The following BOLL variants were observed in gnomAD, a reference collection of about 807,000 sequenced individuals.
The protein encoded by BOLL is protein boule-like.
In BOLL, 23 loss-of-function variants were observed where a neutral mutation model predicts 44.4. That is an observed-to-expected ratio of 0.52 (90% CI 0.37 to 0.73). The LOEUF is 0.73. BOLL is among the 30% of genes least tolerant of loss of function. BOLL has a pLI of 0.00. For missense variants in BOLL, 287 were observed against 338.3 expected, an observed-to-expected ratio of 0.85 and a Z score of 1.19; for synonymous variants, 97 against 110.8, an observed-to-expected ratio of 0.88 and a Z score of 0.78.
chr2:197,778,413 T>C (rs562321356), intron 3 of BOLL, among the ~76,000 whole-genome samples: 1 of 152,056 alleles, frequency 6.6e-6, no homozygotes, highest in African/African-American at 2.4e-5. Context: ...GAAATTTGGC[T>C]TTGTACACAT....
intron 1 of BOLL, among the ~76,000 whole-genome samples, chr2:197,784,411 T>C (rs1206448776): frequency 1.9e-4 from 11 of 57,546 alleles, no homozygotes; most frequent in African/African-American, 3.6e-4. Flanking sequence ...TATATATATA[T>C]ATATATATAT....
chr2:197,769,833 G>A (rs1024099332), intron 6 of BOLL, among the ~76,000 whole-genome samples: 14 of 152,190 alleles, frequency 9.2e-5, no homozygotes, highest in Admixed American at 4.6e-4. Flanking sequence ...ACAAACCACT[G>A]CTCAACGAAA....
chr2:197,776,853 G>A (rs1169514076), intron 4 of BOLL, among the ~76,000 whole-genome samples: 1 of 151,880 alleles, frequency 6.6e-6, no homozygotes, highest in South Asian at 2.1e-4. Context: ...TAAATAAAGC[G>A]AAACATTATA....
chr2:197,740,876 T>A (rs2106323611), intron 10 of BOLL, among the ~76,000 whole-genome samples: 1 of 152,224 alleles, frequency 6.6e-6, no homozygotes, highest in South Asian at 2.1e-4. Context: ...TTAACAATGG[T>A]TGAAACAGAA....
chr2:197,779,986 G>A lies in BOLL; in HGVS notation c.130-920C>T, dbSNP rs992603024. ...TACATACACTATTGGTTTTTAGTTG[G>A]TAACATAAAGCCTGCTAAGCTGCAT... On this transcript the variant is annotated intron_variant, in intron 2 of 10. Coordinates refer to ENST00000392296, the MANE Select transcript of BOLL (RefSeq NM_033030.6). Among the ~76,000 whole-genome samples the A allele has an allele frequency of 5.3e-5, 8 of 151,994 alleles. No individual in the cohort carries two copies. In the East Asian group the frequency reaches 1.2e-3, roughly 22 times the overall value.
intron 10 of BOLL, among the ~76,000 whole-genome samples, chr2:197,732,057 C>T (rs895155071): frequency 1.7e-4 from 25 of 148,964 alleles, no homozygotes; most frequent in Non-Finnish European, 2.4e-4. Flanking sequence ...ATTGATAGAC[C>T]GCTAGCAAGA....
intron 7 of BOLL, among the ~76,000 whole-genome samples, chr2:197,762,337 C>A (rs1320385429): frequency 6.6e-6 from 1 of 152,006 alleles, no homozygotes; most frequent in African/African-American, 2.4e-5. Flanking sequence ...GAGCGAGATT[C>A]CTTCTCAAAA....
At chr2:197,731,743 A>G (rs1353417983) in intron 10 of BOLL, among the ~76,000 whole-genome samples, 2 of 152,136 alleles carry the variant, frequency 1.3e-5, no homozygotes, top group Non-Finnish European at 2.9e-5. Context: ...GAAGGCAGAA[A>G]TAAAGATGTT....
At chr2:197,764,948 G>C (rs1688924435) in intron 7 of BOLL, among the ~76,000 whole-genome samples, 1 of 151,546 alleles carries the variant, frequency 6.6e-6, no homozygotes, top group African/African-American at 2.4e-5. Flanking sequence ...ACAATAAAGA[G>C]TACCATGTGT....
rs749746878 is a variant in BOLL, at chr2:197,743,064, A to C, written c.825T>G (p.Ile275Met). 2 of 1,562,916 alleles carry C rather than the reference A, an allele frequency of 1.3e-6. No individual in the cohort carries two copies. Among genetic ancestry groups the C allele is most frequent in the South Asian group, 2.4e-5 (2 of 82,166 alleles). Reference sequence around the variant, plus strand: ...AAAGTCAAAACAAATTTCTTACTTTAATTGGCTCAGGCTGCATCACAGGCG... The same window carrying C: ...AAAGTCAAAACAAATTTCTTACTTTCATTGGCTCAGGCTGCATCACAGGCG... ...MPAPVMQPEP[I>M]KTVWSIHY is the part of the protein sequence containing the mutation. Residue 275 changes from isoleucine (I) to methionine (M), a missense_variant, in exon 10 of 11, where the codon ATT (isoleucine) becomes ATG (methionine). Coordinates refer to ENST00000392296, the MANE Select transcript of BOLL (RefSeq NM_033030.6).
chr2:197,752,438 A>G (rs942574404), intron 9 of BOLL, among the ~76,000 whole-genome samples: 1 of 152,174 alleles, frequency 6.6e-6, no homozygotes, highest in Non-Finnish European at 1.5e-5. Flanking sequence ...AACTGATAAG[A>G]AACTTCAGTA....
chr2:197,770,391 A>T (rs1229253318), intron 6 of BOLL, among the ~76,000 whole-genome samples: 1 of 152,102 alleles, frequency 6.6e-6, no homozygotes. Flanking sequence ...AACCATAAAA[A>T]CCCTAGGAGA....
intron 9 of BOLL, among the ~76,000 whole-genome samples, chr2:197,747,956 C>T (rs949717220): frequency 1.3e-5 from 2 of 152,112 alleles, no homozygotes; most frequent in African/African-American, 4.8e-5. Context: ...AGGTCCAGGG[C>T]AAGATGGCCA....
At chr2:197,781,315 G>C (rs1689768210) in intron 2 of BOLL, among the ~76,000 whole-genome samples, 1 of 152,076 alleles carries the variant, frequency 6.6e-6, no homozygotes, top group Non-Finnish European at 1.5e-5. Context: ...TAAAGAAATA[G>C]TATTTCATAA....
At chr2:197,731,215 G>A (rs1224993959) in intron 10 of BOLL, among the ~76,000 whole-genome samples, 1 of 151,900 alleles carries the variant, frequency 6.6e-6, no homozygotes, top group East Asian at 1.9e-4. Flanking sequence ...AAGAGACAAA[G>A]AAGGCCATTA....
chr2:197,761,829 A>G (rs1688771204), intron 7 of BOLL, among the ~76,000 whole-genome samples: 1 of 152,204 alleles, frequency 6.6e-6, no homozygotes. Flanking sequence ...AACCAACTTC[A>G]AGTTAAAAGT....
intron 10 of BOLL, among the ~76,000 whole-genome samples, chr2:197,731,174 A>T (rs540853026): frequency 1.3e-5 from 2 of 152,212 alleles, no homozygotes; most frequent in South Asian, 4.2e-4. Flanking sequence ...CTGGTCTTGG[A>T]TAAAACAGAC....
At chr2:197,733,826 G>T (rs1687335713) in intron 10 of BOLL, among the ~76,000 whole-genome samples, 2 of 152,162 alleles carry the variant, frequency 1.3e-5, no homozygotes, top group Non-Finnish European at 2.9e-5. Context: ...ATGGATTAAA[G>T]ACTTACATGT....
At chr2:197,769,729 A>G (rs1689152391) in intron 6 of BOLL, among the ~76,000 whole-genome samples, 1 of 152,170 alleles carries the variant, frequency 6.6e-6, no homozygotes, top group Non-Finnish European at 1.5e-5. Flanking sequence ...GAGCCAAACC[A>G]TGGGTGAACG....
Sources: allele counts gnomAD v4.1 joint callset (sites outside exome capture counted in the v4.1 genomes callset), GRCh38; gene constraint gnomAD v4.1.1; transcripts MANE v1.5; gene names NCBI Gene and HGNC (gene_info 2026-07-23, HGNC 2026-07-21).